MRPS31: variants seen among roughly 807,000 people sequenced by gnomAD.
The protein encoded by MRPS31 is small ribosomal subunit protein mS31.
Under a neutral mutation model 43.1 loss-of-function variants are expected in MRPS31, and 32 were observed. That is an observed-to-expected ratio of 0.74 (90% CI 0.56 to 1.00). The LOEUF is 1.00. Ranked by LOEUF, MRPS31 falls within the 50% of genes least tolerant of loss-of-function variation. The pLI is 0.00. For synonymous variants in MRPS31, 165 were observed against 161.6 expected (o/e 1.02, Z -0.16); for missense variants, 437 against 466.7 (o/e 0.94, Z 0.59).
chr13:40,744,681 G>C (rs1330462268), intron 6 of MRPS31, among the ~76,000 whole-genome samples: 1 of 152,124 alleles, frequency 6.6e-6, no homozygotes, highest in Non-Finnish European at 1.5e-5. Context: ...ATTCACAATA[G>C]CAAAGACATT....
At chr13:40,747,423 G>C (rs925716562) in intron 6 of MRPS31, among the ~76,000 whole-genome samples, 11 of 152,144 alleles carry the variant, frequency 7.2e-5, no homozygotes, top group African/African-American at 2.7e-4. Context: ...AAAGGCAAAT[G>C]GCTAAAATGG....
chr13:40,742,462 A>C (rs959107624), intron 6 of MRPS31, among the ~76,000 whole-genome samples: 2 of 152,150 alleles, frequency 1.3e-5, no homozygotes, highest in African/African-American at 4.8e-5. Flanking sequence ...ACTATTATTT[A>C]TTTTCCTGTC....
At chr13:40,756,836 A>G in intron 4 of MRPS31, 37 bp downstream of exon 4, 1 of 1,607,812 alleles carries the variant, frequency 6.2e-7, no homozygotes, top group South Asian at 1.1e-5. Flanking sequence ...AAAACAAACT[A>G]CACAAACAAA....
intron 6 of MRPS31, among the ~76,000 whole-genome samples, chr13:40,733,665 C>T (rs1409504606): frequency 6.6e-6 from 1 of 152,108 alleles, no homozygotes; most frequent in Non-Finnish European, 1.5e-5. Flanking sequence ...AAAGCATTCT[C>T]AACAACATAA....
chr13:40,751,563 G>A (rs1405889913), intron 5 of MRPS31, among the ~76,000 whole-genome samples: 4 of 152,202 alleles, frequency 2.6e-5, no homozygotes, highest in African/African-American at 9.7e-5. Flanking sequence ...CTTTGTAGCA[G>A]TGGTAAGAAC....
At chr13:40,749,386 T>C (rs1880327243) in intron 5 of MRPS31, 105 bp from the exon 6 acceptor site, 2 of 832,834 alleles carry the variant, frequency 2.4e-6, no homozygotes, top group South Asian at 6.3e-5. Context: ...GACCCTGACA[T>C]TCATAATTAA....
chr13:40,764,710 G>C (rs1252326389), intron 2 of MRPS31, among the ~76,000 whole-genome samples: 1 of 152,166 alleles, frequency 6.6e-6, no homozygotes, highest in African/African-American at 2.4e-5. Flanking sequence ...CTGCTAATAA[G>C]GTCTCAGCTG....
At chr13:40,739,089 G>A (rs921404770) in intron 6 of MRPS31, among the ~76,000 whole-genome samples, 1 of 152,126 alleles carries the variant, frequency 6.6e-6, no homozygotes, top group African/African-American at 2.4e-5. Context: ...CTTCAGTAAA[G>A]TCTCAGGATA....
At chr13:40,763,406 ATGC>A (rs1438216312) in intron 2 of MRPS31, among the ~76,000 whole-genome samples, 1 of 152,204 alleles carries the variant, frequency 6.6e-6, no homozygotes, top group Admixed American at 6.5e-5. Context: ...ACAGGGCCAC[ATGC>A]AGTTTCCAGG....
rs546216514 is a variant in MRPS31, at chr13:40,741,603, G to A, written c.958+7535C>T. 2.6e-5 allele frequency among the ~76,000 whole-genome samples: 4 copies of A among 152,244 alleles called. No homozygotes were observed. In the East Asian group the frequency reaches 7.7e-4, roughly 29 times the overall value. On this transcript the variant is annotated intron_variant, in intron 6 of 6. Transcript: ENST00000323563. The stretch of plus-strand genomic sequence containing the variant: ...TATCCAGTATCAGTTAGGCTGCAGA[G>A]AAACAGAATTTTTACATAGTTGGTT...
chr13:40,767,504 C>G (rs1276430240), intron 1 of MRPS31, among the ~76,000 whole-genome samples: 3 of 152,234 alleles, frequency 2.0e-5, no homozygotes, highest in Non-Finnish European at 4.4e-5. Context: ...CCTAAGGTCT[C>G]TATTTTGCAG....
chr13:40,730,017 ACCACG>A (rs889418906), intron 6 of MRPS31, among the ~76,000 whole-genome samples: 1 of 151,614 alleles, frequency 6.6e-6, no homozygotes, highest in African/African-American at 2.4e-5. Flanking sequence ...GGAGTGAGCC[ACCACG>A]CCTGGCCCGG....
intron 1 of MRPS31, chr13:40,770,623 A>G: frequency 3.3e-6 from 1 of 299,972 alleles, no homozygotes; most frequent in South Asian, 2.7e-5. Flanking sequence ...CTTGGGGTTT[A>G]CAACCAGTAC....
At chr13:40,757,380 A>G (rs1401472856) in intron 3 of MRPS31, among the ~76,000 whole-genome samples, 1 of 148,452 alleles carries the variant, frequency 6.7e-6, no homozygotes, top group Non-Finnish European at 1.5e-5. Flanking sequence ...GTTGCTTTTT[A>G]TTTGTTCAAA....
chr13:40,770,982 T>C lies in MRPS31; in HGVS notation c.152+3A>G. 6.2e-7 allele frequency: 1 copy of C among 1,614,046 alleles called. No homozygotes were observed. The highest frequency in any genetic ancestry group is 8.5e-7 in the Non-Finnish European group (1 of 1,179,978). On this transcript the variant is annotated splice_donor_region_variant and intron_variant, in intron 1 of 6. Transcript: ENST00000323563. The stretch of plus-strand genomic sequence containing the variant: ...CGGGGCACGGGGTTGCCTGAGGACC[T>C]ACCGGGCCAACAGCGCTGAACTGCG...
intron 6 of MRPS31, among the ~76,000 whole-genome samples, chr13:40,734,948 A>T (rs138386856): frequency 1.0e-3 from 158 of 152,304 alleles, no homozygotes; most frequent in African/African-American, 3.5e-3. Flanking sequence ...GCCGAATAGC[A>T]ACAGCTCCAG....
At chr13:40,741,100 T>C (rs1166307582) in intron 6 of MRPS31, among the ~76,000 whole-genome samples, 1 of 151,676 alleles carries the variant, frequency 6.6e-6, no homozygotes, top group African/African-American at 2.4e-5. Context: ...ATATACTAGA[T>C]GACATCTAAA....
rs1398028908 is a variant in MRPS31 at position 40,770,947 on chromosome 13, A to T, written c.152+38T>A. ...AACATCGACCCCAGGAAGTCGGAGG[A>T]TGTACAGGACGGGGCACGGGGTTGC... On this transcript the variant is annotated intron_variant, in intron 1 of 6. Transcript: ENST00000323563. The T allele has an allele frequency of 1.9e-6, 3 of 1,613,524 alleles. No individual in the cohort carries two copies. In the African/African-American group the frequency reaches 4.0e-5, roughly 22 times the overall value.
At chr13:40,735,633 G>C (rs1455706743) in intron 6 of MRPS31, among the ~76,000 whole-genome samples, 1 of 151,928 alleles carries the variant, frequency 6.6e-6, no homozygotes, top group African/African-American at 2.4e-5. Flanking sequence ...CCTGACCCCC[G>C]AGCAGCCTAA....
Sources: gnomAD v4.1 joint callset for allele counts (sites outside exome capture counted in the v4.1 genomes callset) on GRCh38, gnomAD v4.1.1 for gene constraint, MANE v1.5 for transcripts, NCBI Gene and HGNC (gene_info 2026-07-23, HGNC 2026-07-21) for gene names.